The following SPATA7 variants were observed in gnomAD, a reference collection of about 807,000 sequenced individuals.
The protein encoded by SPATA7 is spermatogenesis-associated protein 7.
A neutral mutation model predicts 51.8 loss-of-function variants in SPATA7; 43 were observed. The ratio of observed to expected loss-of-function variants is 0.83; its 90% CI spans 0.65 to 1.07. The LOEUF is 1.07. SPATA7 is among the 50% of genes least tolerant of loss of function. SPATA7 has a pLI of 0.00. For synonymous variants in SPATA7, 230 were observed against 252.8 expected (o/e 0.91, Z 0.86); for missense variants, 683 against 701.3 (o/e 0.97, Z 0.30).
chr14:88,469,771 G>A lies in SPATA7; in HGVS notation c.255-76G>A, dbSNP rs750072264. 1.9e-5 allele frequency: 30 copies of A among 1,606,508 alleles called. No individual in the cohort carries two copies. The highest frequency in any genetic ancestry group is 2.2e-5 in the East Asian group (1 of 44,826). On this transcript the variant is annotated intron_variant, in intron 4 of 4. Coordinates refer to the SPATA7 transcript ENST00000556406. This position sits in a 1 kb window ranked among gnomAD's most constrained non-coding sequence, Gnocchi z 4.3. ...AGCATGGTTAAATGACTCGAGATCC[G>A]GCAATGGATGCCTTTCTCACATAGA...
intron 3 of SPATA7, among the ~76,000 whole-genome samples, chr14:88,448,878 C>G (rs1260298312): frequency 5.3e-5 from 8 of 152,134 alleles, no homozygotes; most frequent in Admixed American, 2.0e-4. Context: ...AGAACCACTG[C>G]TCTCTTCAAA....
At position 88,385,832 on chromosome 14, in the gene SPATA7, G is replaced by C; in HGVS notation, c.14G>C (p.Arg5Pro). 1 of 1,604,226 alleles carries C rather than the reference G, an allele frequency of 6.2e-7. No individual in the cohort carries two copies. The highest frequency in any genetic ancestry group is 1.1e-5 in the South Asian group (1 of 89,060). ...AGAGGACTAAGCATGGATGGCAGCC[G>C]GAGAGGTAAAGGGCAGCTGTCAGGG... Reference protein sequence around the residue: MDGSRRVRATSVLPR... With the variant: MDGSPRVRATSVLPR... The change falls in exon 1 of 12, where the codon CGG becomes CCG. Residue 5 changes from arginine (R) to proline (P), a missense_variant. By Grantham distance (103) the Arg-to-Pro change is moderately radical. Coordinates refer to ENST00000393545, the MANE Select transcript of SPATA7 (RefSeq NM_018418.5).
At chr14:88,428,836 A>G (rs1177958684) in intron 7 of SPATA7, 1 of 161,238 alleles carries the variant, frequency 6.2e-6, no homozygotes, top group Non-Finnish European at 1.4e-5. Context: ...ATAAATTGTC[A>G]TTGTAAAGAT....
downstream of SPATA7, among the ~76,000 whole-genome samples, chr14:88,458,995 G>A (rs567167794): frequency 5.3e-5 from 8 of 152,308 alleles, no homozygotes; most frequent in South Asian, 1.2e-3. Context: ...TAGTCATTCA[G>A]GAGAAGGTTG....
At chr14:88,421,710 G>A (rs111667172) in intron 5 of SPATA7, among the ~76,000 whole-genome samples, 5,364 of 152,220 alleles carry the variant, frequency 0.035, 310 homozygotes, top group African/African-American at 0.12. Context: ...CAGCACTTTG[G>A]GAGGCTGAGG....
intron 3 of SPATA7, among the ~76,000 whole-genome samples, chr14:88,454,297 C>A (rs1430957197): frequency 6.6e-6 from 1 of 152,114 alleles, no homozygotes; most frequent in Non-Finnish European, 1.5e-5. Context: ...TGTGGAGGAT[C>A]TTTAAATCTC....
intron 5 of SPATA7, among the ~76,000 whole-genome samples, chr14:88,425,738 A>G (rs1031809741): frequency 2.6e-5 from 4 of 152,052 alleles, no homozygotes; most frequent in South Asian, 4.1e-4. Flanking sequence ...TAAATTATCA[A>G]TTACCTAAAT....
At chr14:88,447,979 CGAG>C (rs1293629317) in intron 3 of SPATA7, among the ~76,000 whole-genome samples, 2 of 151,282 alleles carry the variant, frequency 1.3e-5, no homozygotes, top group Non-Finnish European at 2.9e-5. Flanking sequence ...TTGCTCTTCT[CGAG>C]GAGTATCTTT....
Position 88,469,690 on chromosome 14 carries a change from C to T in SPATA7, c.255-157C>T. ...ATAGGTGACAGTGTTGTGCCTGGAA[C>T]CAAGTCGTGGCCAGTACCTAAAGCT... is the stretch of plus-strand genomic sequence containing the variant. On this transcript the variant is annotated intron_variant, in intron 4 of 4. Transcript: ENST00000556406. The surrounding 1 kb of genome is among the most constrained non-coding windows in gnomAD (Gnocchi z 4.3). 6.2e-7 allele frequency: 1 copy of T among 1,614,176 alleles called. No homozygotes were observed. Among genetic ancestry groups the T allele is most frequent in the Non-Finnish European group, 8.5e-7 (1 of 1,180,028 alleles).
In SPATA7 at chr14:88,424,126, C is replaced by T. The variant is rs200269439; in HGVS notation, c.373-2106C>T. On this transcript the variant is annotated intron_variant, in intron 5 of 11. Transcript: ENST00000393545. ...CACCAGACTCTTTGCTCCATTGGCA[C>T]ATAATTGATGAACCCTTTTCTGATT... 1.9e-4 allele frequency among the ~76,000 whole-genome samples: 29 copies of T among 152,290 alleles called. No individual in the cohort carries two copies. In the East Asian group the frequency reaches 5.4e-3, roughly 28 times the overall value.
At chr14:88,409,540 G>T (rs1317825317) in intron 4 of SPATA7, among the ~76,000 whole-genome samples, 1 of 151,880 alleles carries the variant, frequency 6.6e-6, no homozygotes, top group African/African-American at 2.4e-5. Flanking sequence ...CAAAAAAACA[G>T]CTCCTGGATT....
chr14:88,424,134 A>G (rs893185351), intron 5 of SPATA7, among the ~76,000 whole-genome samples: 1 of 152,202 alleles, frequency 6.6e-6, no homozygotes. Flanking sequence ...CACATAATTG[A>G]TGAACCCTTT....
intron 5 of SPATA7, among the ~76,000 whole-genome samples, chr14:88,418,191 A>T (rs1182193796): frequency 6.6e-6 from 1 of 151,934 alleles, no homozygotes; most frequent in Non-Finnish European, 1.5e-5. Flanking sequence ...TTTTTAAAGG[A>T]CACACTTTTT....
chr14:88,465,826 C>A (rs2077355003), intron 4 of SPATA7: 1 of 152,100 alleles, frequency 6.6e-6, no homozygotes, highest in African/African-American at 2.4e-5. Context: ...TCACTAACTG[C>A]AATTAAAAGT....
rs2076924226 is a variant in SPATA7, at chr14:88,431,008, CTAA to C, written c.1029-163_1029-161del. On this transcript the variant is annotated intron_variant, in intron 8 of 11. Coordinates refer to ENST00000393545, the MANE Select transcript of SPATA7 (RefSeq NM_018418.5). ...ATTTTTGGATTGAGATGCTCAACTA[CTAA>C]GTATATAATGGAAATATTCCAAAAT... Among the ~76,000 whole-genome samples, 4 of 152,236 alleles carry C rather than the reference CTAA, an allele frequency of 2.6e-5. No homozygotes were observed. The South Asian group carries it at 8.3e-4, about 32-fold the overall frequency.
At chr14:88,463,762 C>G (rs2077332376) in intron 4 of SPATA7, among the ~76,000 whole-genome samples, 1 of 152,150 alleles carries the variant, frequency 6.6e-6, no homozygotes, top group Non-Finnish European at 1.5e-5. Context: ...AATCCAAGGA[C>G]TTCAAATGTT....
intron 4 of SPATA7, among the ~76,000 whole-genome samples, chr14:88,403,203 A>C (rs894325710): frequency 6.6e-6 from 1 of 152,148 alleles, no homozygotes; most frequent in African/African-American, 2.4e-5. Context: ...GAAAGGGAAC[A>C]CTTGTGCACT....
At chr14:88,426,030 A>G (rs996727176) in intron 5 of SPATA7, among the ~76,000 whole-genome samples, 3 of 152,212 alleles carry the variant, frequency 2.0e-5, no homozygotes, top group Non-Finnish European at 2.9e-5. Flanking sequence ...TGATTGCTCT[A>G]TTACTTATAT....
At chr14:88,461,624 A>T (rs2077318044) in intron 4 of SPATA7, among the ~76,000 whole-genome samples, 1 of 152,120 alleles carries the variant, frequency 6.6e-6, no homozygotes, top group South Asian at 2.1e-4. Context: ...TCCCTTGGCT[A>T]GGAAAGGGAA....
Sources: gnomAD v4.1 joint callset for allele counts (sites outside exome capture counted in the v4.1 genomes callset) on GRCh38, gnomAD v4.1.1 for gene constraint, Gnocchi (gnomAD v3.1) non-coding constraint, MANE v1.5 for transcripts, NCBI Gene and HGNC (gene_info 2026-07-23, HGNC 2026-07-21) for gene names.